The following CSMD2 variants were observed in gnomAD, a reference collection of about 807,000 sequenced individuals.
CSMD2 encodes CUB and sushi domain-containing protein 2.
Under a neutral mutation model 398.5 loss-of-function variants are expected in CSMD2, and 130 were observed. That is an observed-to-expected ratio of 0.33 (90% CI 0.28 to 0.38). The LOEUF (loss-of-function observed/expected upper bound fraction) is 0.38. Among genes scored for constraint, CSMD2 ranks in the 10% least tolerant of loss-of-function variants. The probability of loss-of-function intolerance (pLI) is 1.00; values close to 1 mark genes in which losing one functional copy is unlikely to be tolerated. For synonymous variants in CSMD2, 1,828 were observed against 1,908.5 expected (o/e 0.96, Z 1.10); for missense variants, 3,829 against 4,764.9 (o/e 0.80, Z 5.78).
At chr1:33,577,511 A>C in intron 48 of CSMD2, 27 bp from the exon 49 acceptor site, 1 of 1,580,602 alleles carries the variant, frequency 6.3e-7, no homozygotes, top group African/African-American at 1.3e-5. Context: ...GGTTCAGGGA[A>C]CTGGCACCAG....
intron 1 of CSMD2, among the ~76,000 whole-genome samples, chr1:34,159,885 G>T (rs114785540): frequency 3.3e-5 from 5 of 152,192 alleles, no homozygotes; most frequent in African/African-American, 1.2e-4. Flanking sequence ...AGGCACATTC[G>T]ATGAGGTATG....
At chr1:33,951,010 G>A (rs981346578) in intron 3 of CSMD2, among the ~76,000 whole-genome samples, 1 of 152,162 alleles carries the variant, frequency 6.6e-6, no homozygotes, top group Non-Finnish European at 1.5e-5. Context: ...AACCTTGGGT[G>A]TTTTTCTAGA....
intron 1 of CSMD2, among the ~76,000 whole-genome samples, chr1:34,121,321 C>T (rs866233989): frequency 1.3e-5 from 2 of 152,140 alleles, no homozygotes; most frequent in South Asian, 2.1e-4. Context: ...TTGAGAAGTA[C>T]GAAGGATGAG....
chr1:34,073,119 G>C (rs1022462893), intron 2 of CSMD2, among the ~76,000 whole-genome samples: 1 of 152,146 alleles, frequency 6.6e-6, no homozygotes, highest in African/African-American at 2.4e-5. Flanking sequence ...TGATCAGCGG[G>C]TTTTGTCTTC....
chr1:33,914,628 A>G (rs1016610793), intron 5 of CSMD2, among the ~76,000 whole-genome samples: 3 of 152,214 alleles, frequency 2.0e-5, no homozygotes, highest in Admixed American at 1.3e-4. Context: ...TCACCACAGT[A>G]ACAGCTTTTT....
intron 2 of CSMD2, among the ~76,000 whole-genome samples, chr1:34,034,244 T>C (rs1369277598): frequency 6.6e-6 from 1 of 152,118 alleles, no homozygotes; most frequent in Non-Finnish European, 1.5e-5. Context: ...GGAGTTCTGA[T>C]GGTACTCCAC....
intron 3 of CSMD2, among the ~76,000 whole-genome samples, chr1:33,998,168 G>A (rs1646785435): frequency 1.3e-5 from 2 of 152,042 alleles, no homozygotes; most frequent in Non-Finnish European, 2.9e-5. Flanking sequence ...GAAAGGAACT[G>A]GTGGCTTTAT....
At chr1:33,555,179 A>G (rs1657843137) in intron 55 of CSMD2, among the ~76,000 whole-genome samples, 1 of 152,172 alleles carries the variant, frequency 6.6e-6, no homozygotes, top group Non-Finnish European at 1.5e-5. Context: ...CCCCTCACAC[A>G]TGACTTGGAG....
intron 3 of CSMD2, among the ~76,000 whole-genome samples, chr1:33,947,701 C>T (rs1367700039): frequency 2.6e-5 from 4 of 152,230 alleles, no homozygotes; most frequent in Non-Finnish European, 5.9e-5. Flanking sequence ...CTGCAAAAGA[C>T]AGGGATTCAA....
chr1:33,842,871 G>GT (rs1660993356), intron 6 of CSMD2, among the ~76,000 whole-genome samples: 1 of 152,192 alleles, frequency 6.6e-6, no homozygotes, highest in Non-Finnish European at 1.5e-5. Context: ...TGCTTTAGAC[G>GT]CATGGAAGTA....
At chr1:33,524,787 G>T in intron 66 of CSMD2, 95 bp downstream of exon 66, 1 of 1,288,044 alleles carries the variant, frequency 7.8e-7, no homozygotes. Context: ...TCTGAGCCTT[G>T]CATGACAGTA....
chr1:34,017,574 T>C (rs907289144), intron 3 of CSMD2, among the ~76,000 whole-genome samples: 1 of 152,060 alleles, frequency 6.6e-6, no homozygotes, highest in Non-Finnish European at 1.5e-5. Context: ...CTGAGCAACA[T>C]AGCAAGATAC....
chr1:33,984,887 G>A (rs749404317), intron 3 of CSMD2, among the ~76,000 whole-genome samples: 4 of 150,832 alleles, frequency 2.7e-5, no homozygotes, highest in Non-Finnish European at 5.9e-5. Context: ...AGGCAGGCAG[G>A]AAGGAAGGAA....
chr1:33,780,175 G>A (rs1652540017), intron 12 of CSMD2, among the ~76,000 whole-genome samples: 1 of 152,100 alleles, frequency 6.6e-6, no homozygotes, highest in African/African-American at 2.4e-5. Flanking sequence ...CCAGAACCAA[G>A]CCCAGTGCCT....
chr1:33,936,063 C>T, intron 3 of CSMD2, 109 bp from the exon 4 acceptor site: 1 of 854,878 alleles, frequency 1.2e-6, no homozygotes, highest in South Asian at 1.7e-5. Flanking sequence ...TCCTGGAACT[C>T]ATTTCTTCTT....
At chr1:33,639,615 G>T (rs1642996930) in intron 29 of CSMD2, among the ~76,000 whole-genome samples, 1 of 152,170 alleles carries the variant, frequency 6.6e-6, no homozygotes, top group Non-Finnish European at 1.5e-5. Context: ...TGGCACCAAG[G>T]CTAGCCCTAT....
chr1:34,055,909 G>A (rs1048765631), intron 2 of CSMD2, among the ~76,000 whole-genome samples: 1 of 152,100 alleles, frequency 6.6e-6, no homozygotes, highest in Non-Finnish European at 1.5e-5. Flanking sequence ...AACCAACCCC[G>A]GTCTTGAAGA....
At chr1:33,658,764 T>C (rs1644031953) in intron 26 of CSMD2, among the ~76,000 whole-genome samples, 1 of 152,172 alleles carries the variant, frequency 6.6e-6, no homozygotes. Context: ...CTCTGGAGGC[T>C]GAGGTGGGAG....
intron 3 of CSMD2, among the ~76,000 whole-genome samples, chr1:34,000,940 G>A (rs1646881516): frequency 6.6e-6 from 1 of 151,680 alleles, no homozygotes; most frequent in Non-Finnish European, 1.5e-5. Flanking sequence ...GGTAGAAGGG[G>A]AGGTGGAGGA....
Sources: allele counts gnomAD v4.1 joint callset (sites outside exome capture counted in the v4.1 genomes callset), GRCh38; gene constraint gnomAD v4.1.1; transcripts MANE v1.5; gene names NCBI Gene and HGNC (gene_info 2026-07-23, HGNC 2026-07-21).